The following SUCLA2 variants were observed in gnomAD, a reference collection of about 807,000 sequenced individuals.
SUCLA2 encodes succinate-CoA ligase ADP-forming subunit beta, also known as succinate--CoA ligase [ADP-forming] subunit beta, mitochondrial.
A neutral mutation model predicts 54.8 loss-of-function variants in SUCLA2; 30 were observed. The ratio of observed to expected loss-of-function variants is 0.55; its 90% CI spans 0.41 to 0.74. SUCLA2 has a LOEUF of 0.74. SUCLA2 is among the 30% of genes least tolerant of loss of function. The pLI, the probability that SUCLA2 is intolerant of heterozygous loss-of-function variation, is 0.00. For missense variants in SUCLA2, 476 were observed against 562.9 expected (o/e 0.85, Z 1.56); for synonymous variants, 172 against 188.9 (o/e 0.91, Z 0.74).
chr13:47,954,964 C>G (rs184863504), intron 6 of SUCLA2, among the ~76,000 whole-genome samples: 1 of 152,060 alleles, frequency 6.6e-6, no homozygotes, highest in Non-Finnish European at 1.5e-5. Context: ...CTGCCTCCCC[C>G]CACCCCTTAC....
At chr13:47,982,551 C>T (rs189916719) in intron 4 of SUCLA2, among the ~76,000 whole-genome samples, 11 of 152,064 alleles carry the variant, frequency 7.2e-5, no homozygotes, top group African/African-American at 2.7e-4. Context: ...AAAATGTGCA[C>T]AAATTGTTTT....
chr13:47,994,656 GCTC>G (rs1950177098), intron 2 of SUCLA2: 1 of 171,314 alleles, frequency 5.8e-6, no homozygotes. Context: ...TAGCATTTCT[GCTC>G]CTCTAGATTT....
At chr13:47,953,491 TAATA>T (rs1254540484) in intron 8 of SUCLA2, among the ~76,000 whole-genome samples, 9 of 152,150 alleles carry the variant, frequency 5.9e-5, no homozygotes, top group Non-Finnish European at 1.3e-4. Flanking sequence ...CTTGCAAAAT[TAATA>T]AATATGGAAA....
intron 1 of SUCLA2, among the ~76,000 whole-genome samples, chr13:48,000,448 G>A (rs540656578): frequency 5.8e-4 from 89 of 152,172 alleles, no homozygotes; most frequent in Non-Finnish European, 1.1e-3. Context: ...AATGATGCAG[G>A]TGTTGAATGA....
At position 47,973,343 on chromosome 13, in the gene SUCLA2, A is replaced by C. The variant is rs769371590; in HGVS notation, c.584T>G (p.Val195Gly). Residue 195 changes from valine to glycine, a missense_variant, in exon 5 of 11, where the codon GTT (valine) becomes GGT (glycine). Around this residue, in one of 2 missense-constraint regions of SUCLA2, gnomAD observed 342 missense variants for 444.2 expected, o/e 0.77. Coordinates refer to ENST00000646932, the MANE Select transcript of SUCLA2 (RefSeq NM_003850.3). ...SSHGGVNIEDVAAESPEAIIK... is the reference protein window; with the variant it reads ...SSHGGVNIEDGAAESPEAIIK... The stretch of plus-strand genomic sequence containing the variant: ...TATTGCTTCAGGAGACTCAGCAGCA[A>C]CATCTTCAATGTTGACACCACCATG... The C allele has an allele frequency of 1.9e-6, 3 of 1,613,770 alleles. No individual in the cohort carries two copies. Among genetic ancestry groups the C allele is most frequent in the Non-Finnish European group, 2.5e-6 (3 of 1,179,892 alleles).
At chr13:47,955,906 A>T (rs1352547247) in intron 6 of SUCLA2, among the ~76,000 whole-genome samples, 2 of 152,188 alleles carry the variant, frequency 1.3e-5, no homozygotes, top group Non-Finnish European at 2.9e-5. Flanking sequence ...CCAACACAGG[A>T]GAAAAAGTTT....
At chr13:47,968,503 T>C (rs1479243414) in intron 6 of SUCLA2, 92 bp downstream of exon 6, 1 of 1,449,212 alleles carries the variant, frequency 6.9e-7, no homozygotes, top group East Asian at 2.3e-5. Flanking sequence ...GGTAGAAGTT[T>C]AACTACTTTA....
At chr13:48,000,935 A>G in intron 1 of SUCLA2, 1 of 1,388,852 alleles carries the variant, frequency 7.2e-7, no homozygotes, top group South Asian at 1.5e-5. Context: ...TAGAAACTGC[A>G]GGAGCAGCCA....
At chr13:47,990,076 G>A (rs1310833265) in intron 2 of SUCLA2, among the ~76,000 whole-genome samples, 10 of 152,076 alleles carry the variant, frequency 6.6e-5, no homozygotes, top group Non-Finnish European at 7.4e-5. Context: ...GGCCCGGTGC[G>A]GTGGCTCACT....
chr13:47,952,783 G>A (rs1327320225), intron 8 of SUCLA2, among the ~76,000 whole-genome samples: 2 of 152,080 alleles, frequency 1.3e-5, no homozygotes, highest in Non-Finnish European at 2.9e-5. Flanking sequence ...CTTCACAAAT[G>A]TGGTCACAAT....
At chr13:47,962,972 T>C (rs1949883380) in intron 6 of SUCLA2, among the ~76,000 whole-genome samples, 1 of 152,070 alleles carries the variant, frequency 6.6e-6, no homozygotes, top group Non-Finnish European at 1.5e-5. Flanking sequence ...GTATTCATCA[T>C]GACTGCTTCC....
rs370898100 is a variant in SUCLA2, at chr13:47,988,596, C to T, written c.479G>A (p.Arg160Gln). Residue 160 changes from arginine to glutamine, a missense_variant, in exon 4 of 11, where the codon CGA (arginine) becomes CAA (glutamine). Arg to Gln is a conservative substitution (Grantham distance 43). Transcript: ENST00000646932. ...RICNQVLVCE[R>Q]KYPRREYYFA... ...GTAGTATTCTCTCCTGGGATATTTTCGCTCACAGACCAATACTTGATTGCA... is the reference window on the plus strand; with the variant it reads ...GTAGTATTCTCTCCTGGGATATTTTTGCTCACAGACCAATACTTGATTGCA... 10 of 1,613,776 alleles carry T rather than the reference C, an allele frequency of 6.2e-6. No homozygotes were observed. The highest frequency in any genetic ancestry group is 2.2e-5 in the East Asian group (1 of 44,832).
chr13:47,977,931 T>C (rs949337258), intron 4 of SUCLA2, among the ~76,000 whole-genome samples: 4 of 151,946 alleles, frequency 2.6e-5, no homozygotes, highest in Admixed American at 2.6e-4. Context: ...ACAAAGAGGA[T>C]AAAATACCTA....
chr13:47,976,767 CCCAAATCTAAAAATCTGAATT>C (rs1483483816), intron 4 of SUCLA2, among the ~76,000 whole-genome samples: 5 of 152,098 alleles, frequency 3.3e-5, no homozygotes, highest in Non-Finnish European at 7.4e-5. Flanking sequence ...ATTGGAGAAT[CCCAAATCTAAAAATCTGAATT>C]CCAAAATGCT....
At chr13:47,989,977 T>C (rs916598779) in intron 2 of SUCLA2, among the ~76,000 whole-genome samples, 1 of 152,212 alleles carries the variant, frequency 6.6e-6, no homozygotes, top group South Asian at 2.1e-4. Flanking sequence ...ATTTATCCCT[T>C]TTCCTCTCCT....
chr13:47,969,356 C>T (rs535159197), intron 5 of SUCLA2, among the ~76,000 whole-genome samples: 2 of 152,264 alleles, frequency 1.3e-5, no homozygotes, highest in South Asian at 4.2e-4. Flanking sequence ...AGTGTTATCC[C>T]ATTTATTCAA....
At position 47,943,170 on chromosome 13, in the gene SUCLA2, C is replaced by T. The variant is rs1949699409; in HGVS notation, c.*201G>A. 7.0e-6 allele frequency: 4 copies of T among 571,396 alleles called. No individual in the cohort carries two copies. Among genetic ancestry groups the T allele is most frequent in the Admixed American group, 6.4e-5 (2 of 31,410 alleles). The allele number at this position is 571,396 out of a possible 1,614,324, so 35.4% of individuals were successfully genotyped here. A position where few individuals can be genotyped will look rare whatever the true frequency, so the allele number is the denominator to read the frequency against. ...GGCTGCGACAAAAGAAAGAAGATAA[C>T]TGCATTATACATGCTTCGTACAAAC... On this transcript the variant is annotated 3_prime_UTR_variant, in exon 11 of 11. Transcript: ENST00000646932.
rs1950153679 is a variant in SUCLA2 at position 47,992,057 on chromosome 13, C to T, written c.272-3076G>A. Among the ~76,000 whole-genome samples the T allele has an allele frequency of 2.0e-5, 3 of 152,110 alleles. No individual in the cohort carries two copies. In the South Asian group the frequency reaches 6.2e-4, roughly 32 times the overall value. On this transcript the variant is annotated intron_variant, in intron 2 of 10. Coordinates refer to ENST00000646932, the MANE Select transcript of SUCLA2 (RefSeq NM_003850.3). ...CTTGTTTCTGTTTACCTGTCCAGTC[C>T]TGATTTTCCAGCACTTTAAATATTT...
chr13:47,999,565 G>C (rs1005328706), intron 1 of SUCLA2, among the ~76,000 whole-genome samples: 5 of 152,086 alleles, frequency 3.3e-5, no homozygotes, highest in Non-Finnish European at 5.9e-5. Flanking sequence ...AAATTAGCCG[G>C]ACGTGGTGGC....
Sources: allele counts gnomAD v4.1 joint callset (sites outside exome capture counted in the v4.1 genomes callset), GRCh38; gene constraint gnomAD v4.1.1; regional missense constraint gnomAD v4.1.1; transcripts MANE v1.5; gene names NCBI Gene and HGNC (gene_info 2026-07-23, HGNC 2026-07-21).